The following IL13RA1 variants were observed in gnomAD, a reference collection of about 807,000 sequenced individuals.
IL13RA1 encodes the protein interleukin 13 receptor subunit alpha 1.
IL13RA1 carries 14 observed loss-of-function variants against 33.8 expected under a neutral mutation model. That is an observed-to-expected ratio of 0.41 (90% confidence interval 0.27 to 0.65). The LOEUF (loss-of-function observed/expected upper bound fraction) is 0.65, where lower values mean the gene tolerates loss of function less well. Ranked by LOEUF, IL13RA1 falls within the 30% of genes least tolerant of loss-of-function variation. The pLI, the probability that IL13RA1 is intolerant of heterozygous loss-of-function variation, is 0.28. For synonymous variants in IL13RA1, 116 were observed against 115.7 expected, an observed-to-expected ratio of 1.00 and a Z score of -0.02; for missense variants, 313 against 327.0, an observed-to-expected ratio of 0.96 and a Z score of 0.33.
At chrX:118,748,379 A>AT in intron 3 of IL13RA1, among the ~76,000 whole-genome samples, 1 of 104,674 alleles carries the variant, frequency 9.6e-6, no homozygotes, top group African/African-American at 3.5e-5. Flanking sequence ...AAAAAAAAAA[A>AT]ACGGCTAGAT....
chrX:118,736,037 C>T (rs1347211187), intron 1 of IL13RA1, among the ~76,000 whole-genome samples: 1 of 111,453 alleles, frequency 9.0e-6, no homozygotes, highest in African/African-American at 3.3e-5. Flanking sequence ...CTTTCTTCTG[C>T]CTGCTCAAAT....
At chrX:118,740,053 C>G (rs1196602332) in intron 1 of IL13RA1, among the ~76,000 whole-genome samples, 2 of 112,344 alleles carry the variant, frequency 1.8e-5, no homozygotes, top group African/African-American at 6.5e-5. Context: ...CAGCCTCAAA[C>G]TCCCGGGCTC....
Position 118,793,416 on chromosome X carries a change from A to G in IL13RA1, c.*1562A>G, listed in dbSNP as rs2017998656. ...CCAGGATTCCTCTTTTCTCTGCCAT[A>G]AATGATTAATTAAATAGCTTTTGTG... On this transcript the variant is annotated 3_prime_UTR_variant, in exon 11 of 11. Coordinates refer to ENST00000371666, the MANE Select transcript of IL13RA1 (RefSeq NM_001560.3). 8.9e-6 allele frequency: 1 copy of G among 112,027 alleles called. No individual in the cohort carries two copies. The highest frequency in any genetic ancestry group is 3.7e-4 in the South Asian group (1 of 2,690). The allele number at this position is 112,027 out of a possible 1,213,427, so 9.2% of individuals were successfully genotyped here. A position where few individuals can be genotyped will look rare whatever the true frequency, so the allele number is the denominator to read the frequency against.
chrX:118,770,191 G>A (rs766493341), intron 8 of IL13RA1: 73 of 277,813 alleles, frequency 2.6e-4, no homozygotes, highest in African/African-American at 1.4e-3. Context: ...GCAGCTGAGC[G>A]GGCTGCCCAG....
At chrX:118,731,615 T>C (rs988251080) in intron 1 of IL13RA1, among the ~76,000 whole-genome samples, 5 of 111,890 alleles carry the variant, frequency 4.5e-5, no homozygotes, top group African/African-American at 6.5e-5. Context: ...AGAATTGTTT[T>C]GTCTTAAAGA....
chrX:118,766,804 AC>A (rs1472623887), intron 7 of IL13RA1, 39 bp from the exon 8 acceptor site: 1 of 784,818 alleles, frequency 1.3e-6, no homozygotes, highest in East Asian at 3.2e-5. Context: ...AAAAGAATAA[AC>A]TGGTAATATT....
chrX:118,786,847 C>T (rs1208322286), intron 10 of IL13RA1, among the ~76,000 whole-genome samples: 4 of 112,265 alleles, frequency 3.6e-5, no homozygotes, highest in Non-Finnish European at 7.5e-5. Context: ...TCAGTCTAGA[C>T]CACGGACTCC....
chrX:118,755,786 A>C (rs866558702), intron 4 of IL13RA1, among the ~76,000 whole-genome samples: 1 of 111,866 alleles, frequency 8.9e-6, no homozygotes, highest in Non-Finnish European at 1.9e-5. Context: ...AAATTTCTTC[A>C]GTTTCTGTTT....
At chrX:118,779,024 C>A (rs1023024997) in intron 10 of IL13RA1, among the ~76,000 whole-genome samples, 10 of 112,045 alleles carry the variant, frequency 8.9e-5, no homozygotes, top group Admixed American at 8.6e-4. Flanking sequence ...TTCTGAAGAA[C>A]CTCACCATCT....
chrX:118,789,592 A>G (rs1199517570), intron 10 of IL13RA1, among the ~76,000 whole-genome samples: 2 of 111,455 alleles, frequency 1.8e-5, no homozygotes, highest in African/African-American at 6.5e-5. Flanking sequence ...TGGTTTGTAA[A>G]GCTCTTTACG....
At chrX:118,762,384 T>G (rs978508827) in intron 6 of IL13RA1, among the ~76,000 whole-genome samples, 3 of 112,441 alleles carry the variant, frequency 2.7e-5, no homozygotes, top group Admixed American at 1.9e-4. Context: ...GGACCCTTTG[T>G]GTGTTTGAGT....
chrX:118,773,765 T>G, intron 8 of IL13RA1, 114 bp from the exon 9 acceptor site: 1 of 500,715 alleles, frequency 2.0e-6, no homozygotes, highest in South Asian at 2.8e-5. Flanking sequence ...GGAAAATAGG[T>G]TGGGGGAGGG....
downstream of IL13RA1, among the ~76,000 whole-genome samples, chrX:118,798,893 G>A (rs2018047448): frequency 8.9e-6 from 1 of 112,578 alleles, no homozygotes; most frequent in Non-Finnish European, 1.9e-5. Flanking sequence ...TGCACTGTGG[G>A]AGCCCCTTTC....
rs773540022 is a variant in IL13RA1, at chrX:118,753,809, C to T, written c.488+4031C>T. Among the ~76,000 whole-genome samples, 70 of 112,768 alleles carry T rather than the reference C, an allele frequency of 6.2e-4. 1 individual carries two copies. The highest frequency in any genetic ancestry group is 1.9e-3 in the African/African-American group (58 of 31,087). On this transcript the variant is annotated intron_variant, in intron 4 of 10. Coordinates refer to ENST00000371666, the MANE Select transcript of IL13RA1 (RefSeq NM_001560.3). ...TGCTGGGATTATAGGCATGAGCCAC[C>T]GCACCTGGCCTACTTCTTGTCATAT...
chrX:118,770,498 T>C, intron 8 of IL13RA1: 1 of 505,470 alleles, frequency 2.0e-6, no homozygotes, highest in Non-Finnish European at 3.5e-6. Context: ...CTCAGCCCCA[T>C]CCCCAACAAC....
chrX:118,770,290 C>T (rs1257257606), intron 8 of IL13RA1: 8 of 342,885 alleles, frequency 2.3e-5, no homozygotes, highest in East Asian at 1.8e-4. Context: ...GCCTCTTCAA[C>T]GACTCCTCGC....
At chrX:118,768,417 C>G (rs1365193571) in intron 8 of IL13RA1, among the ~76,000 whole-genome samples, 1 of 111,755 alleles carries the variant, frequency 8.9e-6, no homozygotes, top group African/African-American at 3.3e-5. Context: ...GAAGGCTTGA[C>G]TGGGGACAGA....
chrX:118,784,090 A>AATATATAT (rs1556372974), intron 10 of IL13RA1, among the ~76,000 whole-genome samples: 1 of 63,957 alleles, frequency 1.6e-5, no homozygotes. Flanking sequence ...AAAAAAAAAA[A>AATATATAT]ATATATATAT....
At chrX:118,769,322 G>A (rs749027593) in intron 8 of IL13RA1, among the ~76,000 whole-genome samples, 16 of 112,676 alleles carry the variant, frequency 1.4e-4, no homozygotes, top group Non-Finnish European at 2.6e-4. Flanking sequence ...CTATATGTTA[G>A]ATGTAGCAAG....
Sources: allele counts gnomAD v4.1 joint callset (sites outside exome capture counted in the v4.1 genomes callset), GRCh38; gene constraint gnomAD v4.1.1; transcripts MANE v1.5; gene names NCBI Gene and HGNC (gene_info 2026-07-23, HGNC 2026-07-21).